The following NCAM1 variants were observed in gnomAD, a reference collection of about 807,000 sequenced individuals.
NCAM1 encodes the protein neural cell adhesion molecule 1, also known as antigen recognized by monoclonal antibody 5.1H11.
Under a neutral mutation model 109.8 loss-of-function variants are expected in NCAM1, and 14 were observed. That is an observed-to-expected ratio of 0.13 (90% CI 0.08 to 0.20). The LOEUF is 0.20. NCAM1 is among the 10% of genes least tolerant of loss of function. The pLI is 1.00. For synonymous variants in NCAM1, 418 were observed against 442.9 expected, an observed-to-expected ratio of 0.94 and a Z score of 0.70; for missense variants, 774 against 1,109.9, an observed-to-expected ratio of 0.70 and a Z score of 4.30.
chr11:113,045,917 A>G (rs1953253769), intron 1 of NCAM1, among the ~76,000 whole-genome samples: 1 of 152,126 alleles, frequency 6.6e-6, no homozygotes, highest in Non-Finnish European at 1.5e-5. Context: ...AATGTTAGAA[A>G]TTTTGTCATT....
intron 7 of NCAM1, among the ~76,000 whole-genome samples, chr11:113,211,689 C>T (rs1472449757): frequency 6.6e-6 from 1 of 152,204 alleles, no homozygotes; most frequent in Non-Finnish European, 1.5e-5. Context: ...CTGAGGGTTA[C>T]AGCTAAGGAC....
At chr11:113,182,305 C>T (rs1160332687) in intron 1 of NCAM1, among the ~76,000 whole-genome samples, 1 of 152,116 alleles carries the variant, frequency 6.6e-6, no homozygotes, top group Non-Finnish European at 1.5e-5. Flanking sequence ...AAAAGCACAC[C>T]AGGGCCAGCT....
intron 1 of NCAM1, among the ~76,000 whole-genome samples, chr11:113,141,505 T>A (rs1390076884): frequency 6.6e-6 from 1 of 152,058 alleles, no homozygotes; most frequent in Non-Finnish European, 1.5e-5. Flanking sequence ...AAAAAATAGC[T>A]GGGCGCGGTG....
At chr11:113,028,633 C>T (rs1952629393) in intron 1 of NCAM1, among the ~76,000 whole-genome samples, 1 of 152,184 alleles carries the variant, frequency 6.6e-6, no homozygotes, top group African/African-American at 2.4e-5. Flanking sequence ...ATAAAGTTAT[C>T]TAGTGAATCA....
chr11:113,208,673 T>G (rs1944310320), intron 7 of NCAM1, among the ~76,000 whole-genome samples: 1 of 151,956 alleles, frequency 6.6e-6, no homozygotes, highest in Admixed American at 6.5e-5. Flanking sequence ...CACTCATCTC[T>G]CTCTCGTGAC....
chr11:113,118,089 TTAAA>T (rs1464428537), intron 1 of NCAM1, among the ~76,000 whole-genome samples: 3 of 152,026 alleles, frequency 2.0e-5, no homozygotes, highest in Non-Finnish European at 4.4e-5. Context: ...GTTTTATTAT[TTAAA>T]TAACCCACTA....
At position 113,202,331 on chromosome 11, in the gene NCAM1, G is replaced by GTT. The variant is rs781907852; in HGVS notation, c.53-48_53-47insTT. 11 of 1,299,118 alleles carry GTT rather than the reference G, an allele frequency of 8.5e-6. No individual in the cohort carries two copies. The African/African-American group carries it at 1.6e-4, about 18-fold the overall frequency. The allele number at this position is 1,299,118 out of a possible 1,614,324, so 80.5% of individuals were successfully genotyped here. ...ATGTACGTTTGAACTGAACTTTGTG[G>GTT]GTTTTTTTTTGTTTTTTGTTTTGTT... On this transcript the variant is annotated intron_variant, in intron 1 of 19. Transcript: ENST00000316851.
At position 113,207,370 on chromosome 11, in the gene NCAM1, C is replaced by T; in HGVS notation, c.738C>T (p.Ser246=). Residue 246 remains serine (S), a synonymous_variant, in exon 6 of 20, where the codon AGC becomes AGT. Coordinates refer to ENST00000316851, the MANE Select transcript of NCAM1 (RefSeq NM_181351.5). ...DAEGFPEPTM[S]WTKDGEQIEQ... ...AAGGCTTCCCAGAGCCCACCATGAG[C>T]TGGACAAAGTAAGAAACTGGCTCAT... The T allele has an allele frequency of 6.2e-7, 1 of 1,613,122 alleles. No homozygotes were observed. Among genetic ancestry groups the T allele is most frequent in the Non-Finnish European group, 8.5e-7 (1 of 1,179,092 alleles).
Position 112,962,984 on chromosome 11 carries a change from C to T in NCAM1, c.52+1320C>T, listed in dbSNP as rs929311266. On this transcript the variant is annotated intron_variant, in intron 1 of 19. Coordinates refer to ENST00000316851, the MANE Select transcript of NCAM1 (RefSeq NM_181351.5). The surrounding 1 kb of genome is among the most constrained non-coding windows in gnomAD (Gnocchi z 5.6). ...GGACGGCCGACCCCCGGTTGGGGAG[C>T]GCACGGGGCGGGCCAGGGAGCACCC... Among the ~76,000 whole-genome samples, 1 of 151,680 alleles carries T rather than the reference C, an allele frequency of 6.6e-6. No individual in the cohort carries two copies. The highest frequency in any genetic ancestry group is 1.5e-5 in the Non-Finnish European group (1 of 67,872).
At chr11:113,271,733 G>T in intron 18 of NCAM1, 27 bp from the exon 19 acceptor site, 2 of 1,533,184 alleles carry the variant, frequency 1.3e-6, no homozygotes, top group Non-Finnish European at 1.8e-6. Flanking sequence ...CTGCCCTAGG[G>T]TCTAACCAGC....
At chr11:113,091,638 C>T (rs2135769024) in intron 1 of NCAM1, among the ~76,000 whole-genome samples, 1 of 152,264 alleles carries the variant, frequency 6.6e-6, no homozygotes, top group East Asian at 1.9e-4. Context: ...TAAGGCATGA[C>T]TCATAAAGGA....
chr11:112,974,483 G>C (rs782018379), intron 1 of NCAM1, among the ~76,000 whole-genome samples: 4 of 152,018 alleles, frequency 2.6e-5, no homozygotes, highest in African/African-American at 4.8e-5. Context: ...GGACATCCAT[G>C]TATATTCATG....
chr11:113,111,565 GT>G (rs1565442962), intron 1 of NCAM1, among the ~76,000 whole-genome samples: 1 of 152,128 alleles, frequency 6.6e-6, no homozygotes, highest in African/African-American at 2.4e-5. Context: ...TAATGGAAGC[GT>G]TCTGTATCTT....
Position 112,962,650 on chromosome 11 carries a change from G to T in NCAM1, c.52+986G>T, listed in dbSNP as rs1187296436. Among the ~76,000 whole-genome samples the T allele has an allele frequency of 2.6e-5, 4 of 152,132 alleles. No individual in the cohort carries two copies. The highest frequency in any genetic ancestry group is 5.9e-5 in the Non-Finnish European group (4 of 68,006). On this transcript the variant is annotated intron_variant, in intron 1 of 19. Coordinates refer to ENST00000316851, the MANE Select transcript of NCAM1 (RefSeq NM_181351.5). This position sits in a 1 kb window ranked among gnomAD's most constrained non-coding sequence, Gnocchi z 5.6. The stretch of plus-strand genomic sequence containing the variant: ...CGCGGGTGGCGGGGGTTGCGCCGCC[G>T]CCCAGAGAACCTCGGCAGTGTGCAG...
At chr11:113,053,651 GA>G (rs1953589406) in intron 1 of NCAM1, among the ~76,000 whole-genome samples, 1 of 152,238 alleles carries the variant, frequency 6.6e-6, no homozygotes, top group African/African-American at 2.4e-5. Flanking sequence ...TGGGGTTATA[GA>G]AAAAAATTTT....
rs557287435 is a variant in NCAM1 at position 112,983,874 on chromosome 11, T to TTATG, written c.52+22226_52+22229dup. Among the ~76,000 whole-genome samples the TTATG allele has an allele frequency of 2.6e-4, 40 of 152,118 alleles. No homozygotes were observed. In the South Asian group the frequency reaches 6.0e-3, roughly 23 times the overall value. ...TATTCATCATCTCACATGGTCACCT[T>TTATG]TATGTATGTATGTATGTATTTATTT... On this transcript the variant is annotated intron_variant, in intron 1 of 19. Coordinates refer to ENST00000316851, the MANE Select transcript of NCAM1 (RefSeq NM_181351.5).
intron 1 of NCAM1, among the ~76,000 whole-genome samples, chr11:113,059,056 G>A (rs1284691525): frequency 6.6e-6 from 1 of 152,146 alleles, no homozygotes; most frequent in Non-Finnish European, 1.5e-5. Flanking sequence ...ATGGCTGGAC[G>A]GCACTAAAGA....
intron 19 of NCAM1, among the ~76,000 whole-genome samples, chr11:113,272,320 G>A (rs2552516): frequency 0.77 from 117,642 of 152,012 alleles, 45,694 homozygotes; most frequent in Admixed American, 0.83. Flanking sequence ...GGGGACCCAC[G>A]GAGCCCCAGA....
chr11:113,098,987 G>A (rs1423957234), intron 1 of NCAM1, among the ~76,000 whole-genome samples: 4 of 152,162 alleles, frequency 2.6e-5, no homozygotes, highest in South Asian at 2.1e-4. Flanking sequence ...CTTCTCTGAC[G>A]TATCTCTCAG....
Sources: allele counts gnomAD v4.1 joint callset (sites outside exome capture counted in the v4.1 genomes callset), GRCh38; gene constraint gnomAD v4.1.1; non-coding constraint Gnocchi (gnomAD v3.1); transcripts MANE v1.5; gene names NCBI Gene and HGNC (gene_info 2026-07-23, HGNC 2026-07-21).